The following GPC6 variants were observed in gnomAD, a reference collection of about 807,000 sequenced individuals.
GPC6 encodes glypican-6.
Under a neutral mutation model 55.2 loss-of-function variants are expected in GPC6, and 14 were observed. The ratio of observed to expected loss-of-function variants is 0.25; its 90% CI spans 0.17 to 0.40. The LOEUF is 0.40. GPC6 is among the 10% of genes least tolerant of loss of function. The probability of loss-of-function intolerance (pLI) is 1.00; values close to 1 mark genes in which losing one functional copy is unlikely to be tolerated. For missense variants in GPC6, 641 were observed against 708.5 expected (o/e 0.90, Z 1.08); for synonymous variants, 278 against 259.6 (o/e 1.07, Z -0.68).
At chr13:93,670,380 A>G (rs1881311916) in intron 2 of GPC6, among the ~76,000 whole-genome samples, 1 of 152,198 alleles carries the variant, frequency 6.6e-6, no homozygotes. Flanking sequence ...ACTTTTAAAA[A>G]CACTTTTAAA....
intron 4 of GPC6, among the ~76,000 whole-genome samples, chr13:94,197,208 T>G (rs1889605122): frequency 6.6e-6 from 1 of 152,126 alleles, no homozygotes; most frequent in Admixed American, 6.5e-5. Context: ...TCTACAGTAT[T>G]GAGAAAATCC....
chr13:94,045,228 G>A (rs987410172), intron 4 of GPC6, among the ~76,000 whole-genome samples: 1 of 151,798 alleles, frequency 6.6e-6, no homozygotes, highest in African/African-American at 2.4e-5. Flanking sequence ...TTTACTGATT[G>A]TATAAATGGA....
In GPC6 at chr13:93,357,790, G is replaced by A. The variant is rs373150654; in HGVS notation, c.160+130174G>A. 1.4e-4 allele frequency among the ~76,000 whole-genome samples: 22 copies of A among 152,304 alleles called. No individual in the cohort carries two copies. In the East Asian group the frequency reaches 2.5e-3, roughly 17 times the overall value. On this transcript the variant is annotated intron_variant, in intron 1 of 8. Coordinates refer to ENST00000377047, the MANE Select transcript of GPC6 (RefSeq NM_005708.5). ...ATTGAGGCTACAGTGAGCCATGTTT[G>A]TGCCACTGCACTCCAGCCTGGGCAA...
At chr13:93,935,130 G>A (rs1362652643) in intron 3 of GPC6, among the ~76,000 whole-genome samples, 1 of 151,914 alleles carries the variant, frequency 6.6e-6, no homozygotes, top group Non-Finnish European at 1.5e-5. Flanking sequence ...TTTAATTTTA[G>A]GTTTGGGTGG....
At chr13:93,339,355 A>G (rs1176990623) in intron 1 of GPC6, among the ~76,000 whole-genome samples, 1 of 150,480 alleles carries the variant, frequency 6.6e-6, no homozygotes, top group African/African-American at 2.5e-5. Flanking sequence ...TTCTGTGTGT[A>G]GAAATAAACA....
chr13:94,263,825 C>T (rs1003399762), intron 4 of GPC6, among the ~76,000 whole-genome samples: 2 of 152,170 alleles, frequency 1.3e-5, no homozygotes, highest in African/African-American at 4.8e-5. Flanking sequence ...TGGCAGCAAG[C>T]TTTTAAAAAA....
At chr13:94,100,124 G>A (rs1314304499) in intron 4 of GPC6, among the ~76,000 whole-genome samples, 1 of 152,124 alleles carries the variant, frequency 6.6e-6, no homozygotes, top group Non-Finnish European at 1.5e-5. Flanking sequence ...ATAAGAAACT[G>A]CAGATATTCG....
intron 2 of GPC6, among the ~76,000 whole-genome samples, chr13:93,789,131 C>T: frequency 7.3e-6 from 1 of 136,068 alleles, no homozygotes; most frequent in South Asian, 2.3e-4. Context: ...TTACCATATG[C>T]AGGGGATGAC....
intron 4 of GPC6, among the ~76,000 whole-genome samples, chr13:94,141,100 A>G (rs1458607915): frequency 6.6e-6 from 1 of 152,092 alleles, no homozygotes; most frequent in Non-Finnish European, 1.5e-5. Flanking sequence ...GTCCTGAGAA[A>G]TTGTCACCAA....
At chr13:94,011,488 C>T (rs1399134313) in intron 3 of GPC6, among the ~76,000 whole-genome samples, 2 of 152,106 alleles carry the variant, frequency 1.3e-5, no homozygotes. Flanking sequence ...CCTCCCTCAC[C>T]CATCCCCAGA....
intron 2 of GPC6, among the ~76,000 whole-genome samples, chr13:93,583,691 C>G (rs1877055989): frequency 6.6e-6 from 1 of 152,216 alleles, no homozygotes; most frequent in Non-Finnish European, 1.5e-5. Context: ...GCTGGGATTA[C>G]ATGCGTGAAC....
At chr13:94,373,326 G>C (rs1214785121) in intron 6 of GPC6, among the ~76,000 whole-genome samples, 2 of 151,852 alleles carry the variant, frequency 1.3e-5, no homozygotes, top group Non-Finnish European at 2.9e-5. Flanking sequence ...AAAAAATTTA[G>C]AAGAATGTAT....
intron 1 of GPC6, among the ~76,000 whole-genome samples, chr13:93,370,202 C>T (rs1384498743): frequency 1.3e-5 from 2 of 151,986 alleles, no homozygotes; most frequent in East Asian, 3.9e-4. Flanking sequence ...AATTGGCATG[C>T]CCTTTGGGTT....
chr13:93,498,226 G>A (rs1423676415), intron 1 of GPC6, among the ~76,000 whole-genome samples: 2 of 152,156 alleles, frequency 1.3e-5, no homozygotes, highest in African/African-American at 2.4e-5. Context: ...ATATTGTCCA[G>A]CTCTGGCCTT....
At chr13:93,540,090 A>G (rs1290237638) in intron 1 of GPC6, among the ~76,000 whole-genome samples, 1 of 152,082 alleles carries the variant, frequency 6.6e-6, no homozygotes, top group Non-Finnish European at 1.5e-5. Context: ...GTCTCAGAGT[A>G]GTCTTGTCTG....
chr13:93,282,448 G>C (rs1270769482), intron 1 of GPC6, among the ~76,000 whole-genome samples: 1 of 151,750 alleles, frequency 6.6e-6, no homozygotes, highest in East Asian at 1.9e-4. Context: ...CCTAGGAAGA[G>C]AGCAGGTATG....
At chr13:93,529,364 A>T (rs966473909) in intron 1 of GPC6, among the ~76,000 whole-genome samples, 2 of 152,078 alleles carry the variant, frequency 1.3e-5, no homozygotes, top group African/African-American at 4.8e-5. Context: ...AATTAAAAAG[A>T]CCCTGAAATC....
At chr13:93,745,144 C>G (rs1351665286) in intron 2 of GPC6, among the ~76,000 whole-genome samples, 1 of 152,128 alleles carries the variant, frequency 6.6e-6, no homozygotes, top group Non-Finnish European at 1.5e-5. Context: ...ATCTTAGGCT[C>G]TCAACTCTCT....
intron 2 of GPC6, among the ~76,000 whole-genome samples, chr13:93,767,638 C>G (rs1885163868): frequency 6.6e-6 from 1 of 152,052 alleles, no homozygotes. Context: ...TAAGCACATA[C>G]TCTGTTTCAT....
Sources: gnomAD v4.1 joint callset for allele counts (sites outside exome capture counted in the v4.1 genomes callset) on GRCh38, gnomAD v4.1.1 for gene constraint, MANE v1.5 for transcripts, NCBI Gene and HGNC (gene_info 2026-07-23, HGNC 2026-07-21) for gene names.